CLSTN2: variants seen among roughly 807,000 people sequenced by gnomAD.
CLSTN2 encodes calsyntenin-2.
CLSTN2 carries 48 observed loss-of-function variants against 101.2 expected under a neutral mutation model. The ratio of observed to expected loss-of-function variants is 0.47; its 90% CI spans 0.38 to 0.60. The LOEUF (loss-of-function observed/expected upper bound fraction) is 0.60, where lower values mean the gene tolerates loss of function less well. Among genes scored for constraint, CLSTN2 ranks in the 20% least tolerant of loss-of-function variants. CLSTN2 has a pLI of 0.00. For synonymous variants in CLSTN2, 481 were observed against 463.6 expected, an observed-to-expected ratio of 1.04 and a Z score of -0.48; for missense variants, 1,160 against 1,238.2, an observed-to-expected ratio of 0.94 and a Z score of 0.95.
At chr3:139,995,335 A>T (rs1429693707) in intron 1 of CLSTN2, among the ~76,000 whole-genome samples, 1 of 152,134 alleles carries the variant, frequency 6.6e-6, no homozygotes, top group African/African-American at 2.4e-5. Context: ...TATTTTCCAC[A>T]TGTCAAGTTA....
intron 8 of CLSTN2, among the ~76,000 whole-genome samples, chr3:140,493,424 C>G (rs1349796651): frequency 1.3e-5 from 2 of 152,190 alleles, no homozygotes; most frequent in African/African-American, 2.4e-5. Flanking sequence ...TCTTTGGAAT[C>G]TCAGTCATGC....
chr3:140,295,887 C>T (rs1332867351), intron 2 of CLSTN2, among the ~76,000 whole-genome samples: 1 of 152,062 alleles, frequency 6.6e-6, no homozygotes, highest in African/African-American at 2.4e-5. Flanking sequence ...CTTTTATATG[C>T]CTGTAATACT....
chr3:140,552,817 C>T (rs1002978751), intron 10 of CLSTN2, among the ~76,000 whole-genome samples: 7 of 152,096 alleles, frequency 4.6e-5, no homozygotes, highest in Non-Finnish European at 7.3e-5. Flanking sequence ...AGGATGCAGA[C>T]GGACAGATAG....
intron 1 of CLSTN2, among the ~76,000 whole-genome samples, chr3:140,123,548 G>A (rs1157040302): frequency 6.6e-6 from 1 of 152,098 alleles, no homozygotes. Context: ...AGGGATCCTT[G>A]CCCTTGTGGT....
chr3:140,069,704 G>A (rs916688425), intron 1 of CLSTN2, among the ~76,000 whole-genome samples: 1 of 152,170 alleles, frequency 6.6e-6, no homozygotes, highest in South Asian at 2.1e-4. Context: ...GCAAAGGCAA[G>A]ATTTAAACTT....
chr3:140,380,852 G>A (rs748200534), intron 2 of CLSTN2, among the ~76,000 whole-genome samples: 11 of 152,182 alleles, frequency 7.2e-5, no homozygotes, highest in South Asian at 2.1e-4. Context: ...TGGCTTATGC[G>A]CAGGACCAAG....
chr3:140,102,644 A>G (rs1180374591), intron 1 of CLSTN2, among the ~76,000 whole-genome samples: 1 of 152,194 alleles, frequency 6.6e-6, no homozygotes, highest in Non-Finnish European at 1.5e-5. Context: ...ACATGACTCC[A>G]TTGTTTCTTC....
chr3:140,282,820 G>T (rs928649610), intron 2 of CLSTN2, among the ~76,000 whole-genome samples: 1 of 152,182 alleles, frequency 6.6e-6, no homozygotes, highest in African/African-American at 2.4e-5. Context: ...CTGTTGTACA[G>T]TATGTGCATT....
intron 1 of CLSTN2, among the ~76,000 whole-genome samples, chr3:140,055,829 TA>T (rs1341885717): frequency 1.3e-5 from 2 of 152,084 alleles, no homozygotes; most frequent in East Asian, 3.9e-4. Context: ...CAATAATGTG[TA>T]AAAGAAGAAA....
At chr3:139,985,933 A>G (rs952623263) in intron 1 of CLSTN2, among the ~76,000 whole-genome samples, 4 of 152,216 alleles carry the variant, frequency 2.6e-5, no homozygotes, top group Non-Finnish European at 5.9e-5. Flanking sequence ...ATTTTGATGA[A>G]TTTAAATTGA....
chr3:140,156,498 G>C (rs1014922460), intron 1 of CLSTN2, among the ~76,000 whole-genome samples: 10 of 152,176 alleles, frequency 6.6e-5, no homozygotes, highest in African/African-American at 2.4e-4. Flanking sequence ...CTATATGGCA[G>C]CTCTGAGAAA....
chr3:140,281,929 A>C (rs1012345414), intron 2 of CLSTN2, among the ~76,000 whole-genome samples: 3 of 152,068 alleles, frequency 2.0e-5, no homozygotes, highest in Admixed American at 6.6e-5. Context: ...ACAGGGGCAG[A>C]GATATTTTCT....
At chr3:140,134,502 C>T (rs1017842479) in intron 1 of CLSTN2, among the ~76,000 whole-genome samples, 17 of 152,140 alleles carry the variant, frequency 1.1e-4, no homozygotes, top group African/African-American at 4.1e-4. Context: ...AAGCAGTCTA[C>T]AGAACTAAAT....
chr3:140,151,898 G>C (rs2009873291), intron 1 of CLSTN2, among the ~76,000 whole-genome samples: 2 of 152,192 alleles, frequency 1.3e-5, no homozygotes, highest in Admixed American at 1.3e-4. Flanking sequence ...GCAATATACA[G>C]ATGTGCTGAG....
At chr3:140,178,734 C>T (rs1034059018) in intron 2 of CLSTN2, among the ~76,000 whole-genome samples, 4 of 152,108 alleles carry the variant, frequency 2.6e-5, no homozygotes, top group South Asian at 2.1e-4. Context: ...AAGAAAATAC[C>T]GAAGATTTAT....
At chr3:140,442,932 C>T (rs183237484) in intron 5 of CLSTN2, among the ~76,000 whole-genome samples, 143 of 152,360 alleles carry the variant, frequency 9.4e-4, no homozygotes, top group African/African-American at 3.2e-3. Flanking sequence ...AAGGTACCCT[C>T]CTAGCTTCTT....
At chr3:140,092,105 G>A (rs2107786027) in intron 1 of CLSTN2, among the ~76,000 whole-genome samples, 1 of 152,310 alleles carries the variant, frequency 6.6e-6, no homozygotes, top group African/African-American at 2.4e-5. Context: ...GAATACTTCA[G>A]CATCTGGATC....
At chr3:140,346,542 T>C (rs752749442) in intron 2 of CLSTN2, among the ~76,000 whole-genome samples, 3 of 152,234 alleles carry the variant, frequency 2.0e-5, no homozygotes, top group Non-Finnish European at 4.4e-5. Context: ...ACAGAGTTGT[T>C]CAATGAACTT....
chr3:140,458,437 TG>T (rs1285360906), intron 6 of CLSTN2, among the ~76,000 whole-genome samples: 4 of 152,156 alleles, frequency 2.6e-5, no homozygotes, highest in Non-Finnish European at 5.9e-5. Flanking sequence ...CTTCCCGTAG[TG>T]CTTGAGCCCT....
Sources: allele counts gnomAD v4.1 joint callset (sites outside exome capture counted in the v4.1 genomes callset), GRCh38; gene constraint gnomAD v4.1.1; transcripts MANE v1.5; gene names NCBI Gene and HGNC (gene_info 2026-07-23, HGNC 2026-07-21).